Variants in VPS45 observed in about 807,000 individuals in gnomAD.
VPS45 encodes the protein vacuolar protein sorting 45 homolog.
Under a neutral mutation model 75.9 loss-of-function variants are expected in VPS45, and 35 were observed. The observed-to-expected ratio is 0.46, with a 90% CI of 0.35 to 0.61. VPS45 has a LOEUF of 0.61. Ranked by LOEUF, VPS45 falls within the 20% of genes least tolerant of loss-of-function variation. The pLI, the probability that VPS45 is intolerant of heterozygous loss-of-function variation, is 0.00. For synonymous variants in VPS45, 220 were observed against 238.2 expected, an observed-to-expected ratio of 0.92 and a Z score of 0.70; for missense variants, 559 against 685.9, an observed-to-expected ratio of 0.81 and a Z score of 2.07.
At position 150,092,063 on chromosome 1, in the gene VPS45, A is replaced by G. The variant is rs782194772; in HGVS notation, c.1231A>G (p.Arg411Gly). The G allele has an allele frequency of 9.3e-6, 15 of 1,613,874 alleles. No individual in the cohort carries two copies. The highest frequency in any genetic ancestry group is 1.3e-5 in the Non-Finnish European group (15 of 1,179,924). Residue 411 changes from arginine to glycine, a missense_variant, in exon 11 of 15, where the codon AGG (arginine) becomes GGG (glycine). By Grantham distance (125) the Arg-to-Gly change is moderately radical. Coordinates refer to ENST00000644510, the MANE Select transcript of VPS45 (RefSeq NM_007259.5). ...NSLPGLMMDL[R>G]NKGVSEKYRK... The stretch of plus-strand genomic sequence containing the variant: ...CCTGCCAGGACTAATGATGGACCTC[A>G]GGAATAAAGGTGTTTCTGAGAAGTA...
At chr1:150,114,239 G>A (rs1032552788) in intron 14 of VPS45, among the ~76,000 whole-genome samples, 6 of 151,348 alleles carry the variant, frequency 4.0e-5, no homozygotes, top group Non-Finnish European at 5.9e-5. Context: ...TTGGGAGGCC[G>A]AGGTGGGCAG....
intron 14 of VPS45, among the ~76,000 whole-genome samples, chr1:150,143,381 G>C (rs1659499875): frequency 6.6e-6 from 1 of 152,108 alleles, no homozygotes; most frequent in Non-Finnish European, 1.5e-5. Context: ...CTTGAGGCCA[G>C]GAATTTGAGA....
intron 4 of VPS45, 80 bp downstream of exon 4, chr1:150,076,392 A>G: frequency 8.4e-7 from 1 of 1,185,862 alleles, no homozygotes; most frequent in Non-Finnish European, 1.2e-6. Context: ...AAATAAGGAA[A>G]GGTCTGTCTC....
At position 150,076,262 on chromosome 1, in the gene VPS45, G is replaced by C. The variant is rs782553177; in HGVS notation, c.319G>C (p.Val107Leu). ...YFSNVISKSD[V>L]KSLAEADEQE... is the part of the protein sequence containing the mutation. ...CAGTAATGTGATCAGCAAGAGTGAC[G>C]TGAAGTCATTGGCTGAAGCTGATGA... The change falls in exon 4 of 15, where the codon GTG becomes CTG. Residue 107 changes from valine (V) to leucine (L), a missense_variant. Physicochemically the swap from Val to Leu is conservative, Grantham distance 32. Transcript: ENST00000644510. The C allele has an allele frequency of 1.9e-6, 3 of 1,607,850 alleles. No individual in the cohort carries two copies. In the African/African-American group the frequency reaches 4.0e-5, roughly 22 times the overall value.
At chr1:150,079,983 C>T (rs59195173) in intron 7 of VPS45, among the ~76,000 whole-genome samples, 3,285 of 152,200 alleles carry the variant, frequency 0.022, 95 homozygotes, top group African/African-American at 0.074. Flanking sequence ...TTTTGTGCCA[C>T]GTACTAAACT....
At chr1:150,098,452 C>T (rs1553803505) in intron 13 of VPS45, among the ~76,000 whole-genome samples, 1 of 152,156 alleles carries the variant, frequency 6.6e-6, no homozygotes, top group Admixed American at 6.6e-5. Flanking sequence ...TGATGCTATA[C>T]AAAATTTAGA....
Position 150,077,215 on chromosome 1 carries a change from T to C in VPS45, c.560T>C (p.Leu187Pro). The change falls in exon 6 of 15, where the codon CTT becomes CCT. Residue 187 changes from leucine to proline, a missense_variant. By Grantham distance (98) the Leu-to-Pro change is moderately conservative. Transcript: ENST00000644510. ...CTCTCATCAGAGGCAGCAAAGAGACTTGCAGAGTGCGTTAAGGTATGGCAT... is the reference window on the plus strand; with the variant it reads ...CTCTCATCAGAGGCAGCAAAGAGACCTGCAGAGTGCGTTAAGGTATGGCAT... ...YQLSSEAAKR[L>P]AECVKQVITK... 6.2e-7 allele frequency: 1 copy of C among 1,613,960 alleles called. No homozygotes were observed. The highest frequency in any genetic ancestry group is 8.5e-7 in the Non-Finnish European group (1 of 1,179,966).
rs1199228546 is a variant in VPS45, at chr1:150,088,281, C to T, written c.1105-3656C>T. On this transcript the variant is annotated intron_variant, in intron 10 of 14. Coordinates refer to ENST00000644510, the MANE Select transcript of VPS45 (RefSeq NM_007259.5). ...ATTCTGCTCTCTACTTCTATGAGTT[C>T]AATGAGAACAACTTTTTAGATTCCA... Among the ~76,000 whole-genome samples the T allele has an allele frequency of 6.6e-5, 10 of 152,010 alleles. 1 individual carries two copies. The highest frequency in any genetic ancestry group is 6.8e-3 in the Middle Eastern group (2 of 292).
At position 150,077,213 on chromosome 1, in the gene VPS45, A is replaced by G; in HGVS notation, c.558A>G (p.Arg186=). The part of the protein sequence containing the change: ...RYQLSSEAAK[R]LAECVKQVIT... ...AGCTCTCATCAGAGGCAGCAAAGAG[A>G]CTTGCAGAGTGCGTTAAGGTATGGC... The change falls in exon 6 of 15, where the codon AGA becomes AGG. Residue 186 remains arginine (R), a synonymous_variant. Transcript: ENST00000644510. The G allele has an allele frequency of 6.2e-7, 1 of 1,613,948 alleles. No individual in the cohort carries two copies. Among genetic ancestry groups the G allele is most frequent in the Non-Finnish European group, 8.5e-7 (1 of 1,179,956 alleles).
At chr1:150,090,405 G>C (rs988458342) in intron 10 of VPS45, among the ~76,000 whole-genome samples, 2 of 151,308 alleles carry the variant, frequency 1.3e-5, no homozygotes, top group Non-Finnish European at 2.9e-5. Context: ...TTTGTTTTTT[G>C]CATACATGTT....
intron 14 of VPS45, among the ~76,000 whole-genome samples, chr1:150,126,329 G>C (rs945218179): frequency 6.6e-6 from 1 of 152,020 alleles, no homozygotes; most frequent in Non-Finnish European, 1.5e-5. Flanking sequence ...TCCTGCCTCA[G>C]CCTCCCAAGT....
chr1:150,098,972 A>G (rs1021419462), intron 13 of VPS45: 2 of 1,138,154 alleles, frequency 1.8e-6, no homozygotes, highest in Admixed American at 4.5e-5. Flanking sequence ...GTTTATACAA[A>G]TGTAGTAGAA....
At chr1:150,126,445 C>T (rs1658523531) in intron 14 of VPS45, among the ~76,000 whole-genome samples, 1 of 152,006 alleles carries the variant, frequency 6.6e-6, no homozygotes, top group African/African-American at 2.4e-5. Flanking sequence ...AATCTCCTGA[C>T]CTCGTGATCC....
intron 3 of VPS45, among the ~76,000 whole-genome samples, chr1:150,072,897 A>T (rs1553797353): frequency 1.3e-5 from 2 of 151,952 alleles, no homozygotes; most frequent in African/African-American, 4.8e-5. Context: ...TATTTTTTGA[A>T]GTGGGAAGGT....
intron 14 of VPS45, among the ~76,000 whole-genome samples, chr1:150,132,172 G>C (rs1658872639): frequency 6.6e-6 from 1 of 152,124 alleles, no homozygotes; most frequent in Admixed American, 6.5e-5. Flanking sequence ...GAATGGGTTT[G>C]TTTCCTGCAG....
intron 4 of VPS45, 145 bp from the exon 5 acceptor site, chr1:150,076,771 C>T: frequency 3.9e-6 from 3 of 759,716 alleles, no homozygotes; most frequent in Non-Finnish European, 4.3e-6. Context: ...CTGTTGTTAC[C>T]CAATTATTAA....
intron 13 of VPS45, among the ~76,000 whole-genome samples, chr1:150,108,700 G>C (rs1553806517): frequency 6.6e-6 from 1 of 152,158 alleles, no homozygotes. Flanking sequence ...GATAAGTCAA[G>C]TAATATAAAA....
chr1:150,072,672 A>AGAAAT (rs1198741898), intron 3 of VPS45, among the ~76,000 whole-genome samples: 1 of 142,504 alleles, frequency 7.0e-6, no homozygotes, highest in African/African-American at 2.7e-5. Flanking sequence ...AAAAAAAAAT[A>AGAAAT]CTTTTGACCA....
intron 14 of VPS45, among the ~76,000 whole-genome samples, chr1:150,133,361 C>T (rs1553812824): frequency 6.6e-6 from 1 of 151,800 alleles, no homozygotes; most frequent in East Asian, 1.9e-4. Flanking sequence ...ACCAGCCTGG[C>T]CAACATGGTG....
Sources: allele counts gnomAD v4.1 joint callset (sites outside exome capture counted in the v4.1 genomes callset), GRCh38; gene constraint gnomAD v4.1.1; transcripts MANE v1.5; gene names NCBI Gene and HGNC (gene_info 2026-07-23, HGNC 2026-07-21).